The following WDR47 variants were observed in gnomAD, a reference collection of about 807,000 sequenced individuals.
WDR47 encodes the protein WD repeat domain 47, also known as WD repeat-containing protein 47.
WDR47 carries 32 observed loss-of-function variants against 97.2 expected under a neutral mutation model. That is an observed-to-expected ratio of 0.33 (90% CI 0.25 to 0.44). WDR47 has a LOEUF of 0.44. Among genes scored for constraint, WDR47 ranks in the 20% least tolerant of loss-of-function variants. The pLI, the probability that WDR47 is intolerant of heterozygous loss-of-function variation, is 1.00. For missense variants in WDR47, 782 were observed against 1,102.3 expected, an observed-to-expected ratio of 0.71 and a Z score of 4.11; for synonymous variants, 375 against 373.5, an observed-to-expected ratio of 1.00 and a Z score of -0.05.
chr1:109,037,190 G>A (rs1043447680), intron 1 of WDR47, among the ~76,000 whole-genome samples: 2 of 151,980 alleles, frequency 1.3e-5, no homozygotes, highest in South Asian at 2.1e-4. Flanking sequence ...TTAGCCAGGC[G>A]TGGTGGCACA....
rs1212228064 is a variant in WDR47 at position 108,981,512 on chromosome 1, A to AT, written c.2398+220dup. Among the ~76,000 whole-genome samples, 3 of 152,230 alleles carry AT rather than the reference A, an allele frequency of 2.0e-5. No individual in the cohort carries two copies. In the East Asian group the frequency reaches 5.8e-4, roughly 29 times the overall value. On this transcript the variant is annotated intron_variant, in intron 13 of 14. Transcript: ENST00000369962. ...GCCCTGCTAACAGACAATCTGGGAC[A>AT]TTATATTTAATCTCCCTGGGCCTTG... is the stretch of plus-strand genomic sequence containing the variant.
intron 13 of WDR47, among the ~76,000 whole-genome samples, chr1:108,977,622 C>A (rs934704320): frequency 6.6e-6 from 1 of 152,100 alleles, no homozygotes; most frequent in Non-Finnish European, 1.5e-5. Flanking sequence ...GAGGCCAATG[C>A]GGGCAGATCA....
rs139115313 is a variant in WDR47 at position 109,013,997 on chromosome 1, G to A, written c.243-72C>T. The A allele has an allele frequency of 7.9e-6, 9 of 1,143,742 alleles. 1 individual carries two copies. The highest frequency in any genetic ancestry group is 4.6e-5 in the Admixed American group (2 of 43,464). 70.8% of individuals were successfully genotyped at this position (1,143,742 alleles called of 1,614,324 possible). On this transcript the variant is annotated intron_variant, in intron 3 of 14. Transcript: ENST00000369962. The stretch of plus-strand genomic sequence containing the variant: ...AATATACTTAGAAGTTACTATGTAA[G>A]TACTTTTGCTTTAGGAAAATTATTC...
At chr1:108,985,026 C>T (rs1161641290) in intron 10 of WDR47, among the ~76,000 whole-genome samples, 1 of 152,128 alleles carries the variant, frequency 6.6e-6, no homozygotes, top group Non-Finnish European at 1.5e-5. Flanking sequence ...CACTTTGCTC[C>T]ACCTCCACTG....
At chr1:108,995,910 G>T in intron 7 of WDR47, 73 bp from the exon 8 acceptor site, 1 of 1,436,838 alleles carries the variant, frequency 7.0e-7, no homozygotes. Flanking sequence ...AAGGTTAAAA[G>T]TGTGAAAAGG....
chr1:108,990,953 C>T (rs1571165803), intron 9 of WDR47, among the ~76,000 whole-genome samples: 2 of 151,858 alleles, frequency 1.3e-5, no homozygotes, highest in Admixed American at 6.6e-5. Flanking sequence ...CCTTGAGCCT[C>T]GAGATAAATA....
chr1:109,040,863 C>G (rs555731135), intron 1 of WDR47, among the ~76,000 whole-genome samples: 1 of 152,094 alleles, frequency 6.6e-6, no homozygotes, highest in Admixed American at 6.6e-5. Context: ...ATTTTTTAAA[C>G]CTACATGTTC....
At chr1:108,984,376 G>T (rs928544633) in intron 10 of WDR47, among the ~76,000 whole-genome samples, 1 of 152,154 alleles carries the variant, frequency 6.6e-6, no homozygotes, top group South Asian at 2.1e-4. Context: ...TCATCCTGAA[G>T]GATGAAAGGG....
intron 2 of WDR47, among the ~76,000 whole-genome samples, chr1:109,022,642 C>T (rs984396185): frequency 1.3e-5 from 2 of 152,004 alleles, no homozygotes; most frequent in African/African-American, 4.8e-5. Context: ...TGGAGTGCAA[C>T]GGTGCGATCT....
At chr1:108,976,320 A>C (rs900292962) in intron 13 of WDR47, among the ~76,000 whole-genome samples, 3 of 151,952 alleles carry the variant, frequency 2.0e-5, no homozygotes, top group Non-Finnish European at 4.4e-5. Flanking sequence ...CCAGATTTCA[A>C]ATCTAGTTGC....
At chr1:108,982,496 C>T (rs1161304082) in intron 12 of WDR47, 113 bp downstream of exon 12, 13 of 1,278,608 alleles carry the variant, frequency 1.0e-5, no homozygotes, top group Admixed American at 2.6e-5. Context: ...TGTGCCACTG[C>T]ACTCTGGACA....
chr1:109,011,833 G>C, intron 4 of WDR47, 115 bp from the exon 5 acceptor site: 1 of 962,176 alleles, frequency 1.0e-6, no homozygotes, highest in Non-Finnish European at 1.5e-6. Context: ...CATATAATTT[G>C]TAGGATATGC....
chr1:108,979,730 C>T (rs1658194767), intron 13 of WDR47, among the ~76,000 whole-genome samples: 2 of 152,162 alleles, frequency 1.3e-5, no homozygotes, highest in African/African-American at 2.4e-5. Flanking sequence ...CTTCCTCTCT[C>T]CACATCTTTT....
intron 7 of WDR47, among the ~76,000 whole-genome samples, chr1:108,997,108 T>C (rs1306237905): frequency 6.8e-6 from 1 of 146,106 alleles, no homozygotes; most frequent in Non-Finnish European, 1.5e-5. Flanking sequence ...AGAGCAAGTC[T>C]CCATCTCCAA....
At position 108,983,436 on chromosome 1, in the gene WDR47, A is replaced by C. The variant is rs1658504125; in HGVS notation, c.1941T>G (p.Pro647=). 1 of 1,598,936 alleles carries C rather than the reference A, an allele frequency of 6.3e-7. No homozygotes were observed. Among genetic ancestry groups the C allele is most frequent in the African/African-American group, 1.3e-5 (1 of 74,158 alleles). Residue 647 remains proline (P), a synonymous_variant, in exon 11 of 15, where the codon CCT becomes CCG. Coordinates refer to ENST00000369962, the MANE Select transcript of WDR47 (RefSeq NM_001142551.2). ...TTTTAAAACGTACCACCGGCTGCTT[A>C]GGAGTCTCATGTGCACTGAAAAGAA... ...DVIDPSAHET[P]KQPVVRFKRN... is the part of the protein sequence containing the mutation.
chr1:108,977,836 G>A (rs780711779), intron 13 of WDR47, among the ~76,000 whole-genome samples: 5 of 151,856 alleles, frequency 3.3e-5, no homozygotes, highest in Non-Finnish European at 7.4e-5. Context: ...AAACAAAAAC[G>A]AGCTGGGCGT....
At chr1:109,036,464 G>C (rs1032545002) in intron 1 of WDR47, among the ~76,000 whole-genome samples, 4 of 150,116 alleles carry the variant, frequency 2.7e-5, no homozygotes, top group Non-Finnish European at 5.9e-5. Context: ...CCCAGGAGGA[G>C]GTGAAGGTTG....
chr1:108,991,271 T>C lies in WDR47; in HGVS notation c.1750A>G (p.Arg584Gly), dbSNP rs1173851620. 2 of 1,613,210 alleles carry C rather than the reference T, an allele frequency of 1.2e-6. No homozygotes were observed. Among genetic ancestry groups the C allele is most frequent in the African/African-American group, 1.3e-5 (1 of 75,040 alleles). The stretch of plus-strand genomic sequence containing the variant: ...AGTATTACCTCTTCCCCTTTCGACC[T>C]TGAAAGACTCCCTGGAGAATCTCCA... ...PLGDSPGSLS[R>G]SKGEEDDKSK... is the part of the protein sequence containing the mutation. Residue 584 changes from arginine (R) to glycine (G), a missense_variant, in exon 9 of 15, where the codon AGG becomes GGG. Arg to Gly is a moderately radical substitution (Grantham distance 125, BLOSUM62 -2). Around this residue, in one of 3 missense-constraint regions of WDR47, gnomAD observed 126 missense variants for 121.3 expected, o/e 1.04. Transcript: ENST00000369962.
chr1:109,014,289 T>C (rs1488191916), intron 3 of WDR47, among the ~76,000 whole-genome samples: 1 of 152,124 alleles, frequency 6.6e-6, no homozygotes, highest in Admixed American at 6.6e-5. Context: ...CATTTTTAAA[T>C]ACATATACAT....
Sources: gnomAD v4.1 joint callset for allele counts (sites outside exome capture counted in the v4.1 genomes callset) on GRCh38, gnomAD v4.1.1 for gene constraint, gnomAD v4.1.1 regional missense constraint, MANE v1.5 for transcripts, NCBI Gene and HGNC (gene_info 2026-07-23, HGNC 2026-07-21) for gene names.